CSMD1: variants seen among roughly 807,000 people sequenced by gnomAD.
CSMD1 encodes CUB and sushi domain-containing protein 1.
In CSMD1, 213 loss-of-function variants were observed where a neutral mutation model predicts 417.5. The observed-to-expected ratio is 0.51, with a 90% CI of 0.46 to 0.57. The LOEUF (loss-of-function observed/expected upper bound fraction) is 0.57, where lower values mean the gene tolerates loss of function less well. CSMD1 is among the 20% of genes least tolerant of loss of function. The pLI is 0.00. For synonymous variants in CSMD1, 2,862 were observed against 1,736.8 expected (o/e 1.65, Z -16.11); for missense variants, 6,923 against 4,529.7 (o/e 1.53, Z -15.17).
chr8:4,888,149 G>T (rs976039348), intron 1 of CSMD1, among the ~76,000 whole-genome samples: 1 of 151,738 alleles, frequency 6.6e-6, no homozygotes, highest in Non-Finnish European at 1.5e-5. Context: ...ATATAAAAGA[G>T]TATATGAATA....
intron 5 of CSMD1, among the ~76,000 whole-genome samples, chr8:3,924,540 C>T (rs1307624483): frequency 2.0e-5 from 3 of 152,094 alleles, no homozygotes; most frequent in Non-Finnish European, 2.9e-5. Flanking sequence ...GGACTTGCTT[C>T]ATTTTTGAAA....
At chr8:3,879,640 A>G (rs1806069502) in intron 5 of CSMD1, among the ~76,000 whole-genome samples, 1 of 152,216 alleles carries the variant, frequency 6.6e-6, no homozygotes, top group African/African-American at 2.4e-5. Context: ...AAAAAGCACA[A>G]ACATCTTTTT....
At chr8:4,077,282 T>C (rs979835781) in intron 3 of CSMD1, among the ~76,000 whole-genome samples, 1 of 83,462 alleles carries the variant, frequency 1.2e-5, no homozygotes, top group Admixed American at 1.1e-4. Context: ...TTGTCACCTA[T>C]ATATATATAT....
intron 5 of CSMD1, among the ~76,000 whole-genome samples, chr8:3,879,423 G>A (rs367850280): frequency 1.3e-5 from 2 of 152,106 alleles, no homozygotes; most frequent in Admixed American, 6.6e-5. Flanking sequence ...TGGAGGAAAT[G>A]AATCAGTCCG....
chr8:4,487,716 T>G (rs966640948), intron 2 of CSMD1, among the ~76,000 whole-genome samples: 31 of 152,280 alleles, frequency 2.0e-4, no homozygotes, highest in African/African-American at 7.2e-4. Context: ...AAATGCCTGT[T>G]TAGAGGATAT....
At chr8:3,558,710 A>C in intron 10 of CSMD1, among the ~76,000 whole-genome samples, 1 of 149,750 alleles carries the variant, frequency 6.7e-6, no homozygotes, top group Admixed American at 6.6e-5. Context: ...GCAATGATGA[A>C]TAGTGCTTCA....
chr8:4,879,690 A>G (rs1292507492), intron 1 of CSMD1, among the ~76,000 whole-genome samples: 1 of 151,812 alleles, frequency 6.6e-6, no homozygotes, highest in Non-Finnish European at 1.5e-5. Flanking sequence ...GAATCGGGAG[A>G]GGTGGAGCAC....
Position 3,396,084 on chromosome 8 carries a change from C to G in CSMD1, c.2593+110G>C. 5 of 890,622 alleles carry G rather than the reference C, an allele frequency of 5.6e-6. No individual in the cohort carries two copies. The East Asian group carries it at 8.0e-5, about 14-fold the overall frequency. 55.2% of individuals were successfully genotyped at this position (890,622 alleles called of 1,614,324 possible). On this transcript the variant is annotated intron_variant, in intron 17 of 69. Transcript: ENST00000635120. ...ATAGTATGGTTTTGCTAGAGTCAAG[C>G]AGGATCAGTAAACTAGCACAGTCAT...
chr8:3,518,076 G>C (rs1043087875), intron 10 of CSMD1, among the ~76,000 whole-genome samples: 1 of 151,824 alleles, frequency 6.6e-6, no homozygotes, highest in African/African-American at 2.4e-5. Context: ...TAGAAAATGT[G>C]ATTATAACTA....
chr8:4,199,574 A>G (rs1585008921), intron 3 of CSMD1, among the ~76,000 whole-genome samples: 1 of 152,206 alleles, frequency 6.6e-6, no homozygotes, highest in African/African-American at 2.4e-5. Flanking sequence ...CTACCGGACA[A>G]CAGACAAACC....
intron 3 of CSMD1, among the ~76,000 whole-genome samples, chr8:4,302,944 C>A (rs1798057751): frequency 6.6e-6 from 1 of 151,962 alleles, no homozygotes; most frequent in Non-Finnish European, 1.5e-5. Context: ...TGCTGCTTCC[C>A]TTTATGCATG....
At chr8:4,338,747 C>G (rs866440532) in intron 3 of CSMD1, among the ~76,000 whole-genome samples, 25 of 151,846 alleles carry the variant, frequency 1.6e-4, no homozygotes, top group African/African-American at 6.0e-4. Context: ...AATTCATAAG[C>G]GAATATTAAA....
At chr8:4,364,293 G>A (rs1801943643) in intron 3 of CSMD1, among the ~76,000 whole-genome samples, 1 of 152,114 alleles carries the variant, frequency 6.6e-6, no homozygotes, top group Admixed American at 6.6e-5. Context: ...TAAGCCAAGG[G>A]GAACATTAAG....
chr8:3,094,539 A>C (rs1031265666), intron 47 of CSMD1, among the ~76,000 whole-genome samples: 1 of 152,212 alleles, frequency 6.6e-6, no homozygotes, highest in Non-Finnish European at 1.5e-5. Flanking sequence ...GCAGAAAACC[A>C]GCACGGCAGT....
chr8:3,271,837 G>C (rs1205155829), intron 26 of CSMD1, among the ~76,000 whole-genome samples: 2 of 152,040 alleles, frequency 1.3e-5, no homozygotes, highest in Non-Finnish European at 2.9e-5. Flanking sequence ...TTAGCCCTTT[G>C]TCAGATGAGT....
At chr8:4,436,063 A>G (rs959029406) in intron 2 of CSMD1, among the ~76,000 whole-genome samples, 48 of 152,224 alleles carry the variant, frequency 3.2e-4, no homozygotes, top group African/African-American at 1.1e-3. Context: ...CACAGATCTT[A>G]TAATTCCAAG....
At chr8:4,382,055 C>A (rs957060055) in intron 3 of CSMD1, among the ~76,000 whole-genome samples, 2 of 152,156 alleles carry the variant, frequency 1.3e-5, no homozygotes, top group African/African-American at 4.8e-5. Flanking sequence ...GACACCAGAA[C>A]TGGGACTCTC....
chr8:3,077,490 C>T lies in CSMD1; in HGVS notation c.7474+9607G>A, dbSNP rs116361732. 5.8e-3 allele frequency among the ~76,000 whole-genome samples: 878 copies of T among 152,338 alleles called. 6 individuals are homozygous for T. The highest frequency in any genetic ancestry group is 0.02 in the African/African-American group (822 of 41,580). Reference sequence around the variant, plus strand: ...CCAGCCTCAGAGCAAAGCACTCATTCTCCCTGTGATGGTCTCTGGGCAGAA... The same window carrying T: ...CCAGCCTCAGAGCAAAGCACTCATTTTCCCTGTGATGGTCTCTGGGCAGAA... On this transcript the variant is annotated intron_variant, in intron 49 of 69. Coordinates refer to ENST00000635120, the MANE Select transcript of CSMD1 (RefSeq NM_033225.6).
chr8:3,300,599 TTA>T lies in CSMD1; in HGVS notation c.3950+7094_3950+7095del, dbSNP rs577711575. On this transcript the variant is annotated intron_variant, in intron 25 of 69. Transcript: ENST00000635120. ...TTTCCTAGGCATTTATTCTAAGGAA[TTA>T]TATAAATATAAGCAAAGATTTACTT... Among the ~76,000 whole-genome samples the T allele has an allele frequency of 2.0e-5, 3 of 152,222 alleles. No homozygotes were observed. In the East Asian group the frequency reaches 5.8e-4, roughly 29 times the overall value.
Sources: allele counts gnomAD v4.1 joint callset (sites outside exome capture counted in the v4.1 genomes callset), GRCh38; gene constraint gnomAD v4.1.1; transcripts MANE v1.5; gene names NCBI Gene and HGNC (gene_info 2026-07-23, HGNC 2026-07-21).